PLCG2: variants seen among roughly 807,000 people sequenced by gnomAD.
PLCG2 encodes 1-phosphatidylinositol 4,5-bisphosphate phosphodiesterase gamma-2.
Under a neutral mutation model 175.6 loss-of-function variants are expected in PLCG2, and 69 were observed. The ratio of observed to expected loss-of-function variants is 0.39; its 90% CI spans 0.32 to 0.48. The LOEUF (loss-of-function observed/expected upper bound fraction) is 0.48, where lower values mean the gene tolerates loss of function less well. Among genes scored for constraint, PLCG2 ranks in the 20% least tolerant of loss-of-function variants. The pLI, the probability that PLCG2 is intolerant of heterozygous loss-of-function variation, is 0.91. For missense variants in PLCG2, 1,798 were observed against 1,650.9 expected, an observed-to-expected ratio of 1.09 and a Z score of -1.54; for synonymous variants, 827 against 624.0, an observed-to-expected ratio of 1.33 and a Z score of -4.85.
At chr16:81,875,537 CA>C (rs1378254093) in intron 7 of PLCG2, among the ~76,000 whole-genome samples, 1 of 152,160 alleles carries the variant, frequency 6.6e-6, no homozygotes, top group Non-Finnish European at 1.5e-5. Context: ...AACAGACCCC[CA>C]TGTATCATCA....
At chr16:81,859,291 G>C in intron 5 of PLCG2, 128 bp downstream of exon 5, 3 of 641,104 alleles carry the variant, frequency 4.7e-6, no homozygotes, top group Non-Finnish European at 8.6e-6. Context: ...TGTGATCTGC[G>C]GATGCCATGT....
intron 21 of PLCG2, chr16:81,921,644 C>G (rs557569433): frequency 6.3e-6 from 2 of 318,816 alleles, no homozygotes; most frequent in Non-Finnish European, 1.2e-5. Context: ...TCTCATATTC[C>G]CACCCTGACT....
Position 81,959,230 on chromosome 16 carries a change from A to G in PLCG2, c.*1232A>G, listed in dbSNP as rs1351627376. The G allele has an allele frequency of 8.9e-6, 2 of 225,502 alleles. No homozygotes were observed. Among genetic ancestry groups the G allele is most frequent in the Non-Finnish European group, 1.8e-5 (2 of 113,336 alleles). The allele number at this position is 225,502 out of a possible 1,614,324, so 14.0% of individuals were successfully genotyped here. On this transcript the variant is annotated 3_prime_UTR_variant, in exon 33 of 33. Transcript: ENST00000564138. Reference sequence around the variant, plus strand: ...TGGCTGTGGTGGGGAAGAACAAACCAGCAGTAAGCCTGATGTTTGATGTGG... The same window carrying G: ...TGGCTGTGGTGGGGAAGAACAAACCGGCAGTAAGCCTGATGTTTGATGTGG...
At chr16:81,853,824 G>A (rs978467717) in intron 2 of PLCG2, among the ~76,000 whole-genome samples, 3 of 152,150 alleles carry the variant, frequency 2.0e-5, no homozygotes, top group Non-Finnish European at 4.4e-5. Flanking sequence ...ACTCTGGACT[G>A]TTACCAGAGT....
At chr16:81,750,775 C>G (rs1037432293) in intron 1 of PLCG2, among the ~76,000 whole-genome samples, 2 of 142,588 alleles carry the variant, frequency 1.4e-5, no homozygotes, top group African/African-American at 5.1e-5. Context: ...TCATGCCATT[C>G]TCCTGCCTCA....
Position 81,819,568 on chromosome 16 carries a change from A to G in PLCG2, c.193+33386A>G, listed in dbSNP as rs184779605. ...GGAAGGCTGGACTCTATCCCAGCTC[A>G]GTTATTTATGTATTTATTATTATTA... On this transcript the variant is annotated intron_variant, in intron 2 of 32. Transcript: ENST00000564138. Among the ~76,000 whole-genome samples the G allele has an allele frequency of 5.3e-5, 8 of 152,250 alleles. No homozygotes were observed. In the East Asian group the frequency reaches 1.3e-3, roughly 26 times the overall value.
intron 2 of PLCG2, among the ~76,000 whole-genome samples, chr16:81,840,136 T>C (rs954185878): frequency 3.3e-5 from 5 of 152,212 alleles, no homozygotes; most frequent in African/African-American, 1.2e-4. Flanking sequence ...ATTTTCTCAT[T>C]GTCTCCTGAG....
chr16:81,942,723 G>T, intron 30 of PLCG2, among the ~76,000 whole-genome samples: 1 of 152,110 alleles, frequency 6.6e-6, no homozygotes, highest in East Asian at 1.9e-4. Flanking sequence ...ACTTGCTCAA[G>T]GTCACACACC....
intron 22 of PLCG2, among the ~76,000 whole-genome samples, chr16:81,924,339 C>G (rs983058081): frequency 6.6e-6 from 1 of 152,228 alleles, no homozygotes; most frequent in Non-Finnish European, 1.5e-5. Flanking sequence ...CTGGACCTGG[C>G]TTAGGAATCT....
chr16:81,761,108 G>C (rs1181235197), intron 2 of PLCG2, among the ~76,000 whole-genome samples: 1 of 152,134 alleles, frequency 6.6e-6, no homozygotes, highest in Non-Finnish European at 1.5e-5. Flanking sequence ...TGTTGCCCAG[G>C]CTGGTCTCAA....
intron 22 of PLCG2, among the ~76,000 whole-genome samples, chr16:81,924,238 C>G (rs137975710): frequency 2.6e-5 from 4 of 152,230 alleles, no homozygotes; most frequent in African/African-American, 4.8e-5. Flanking sequence ...TGTGGGGTGA[C>G]TTCTGTCTGA....
intron 2 of PLCG2, among the ~76,000 whole-genome samples, chr16:81,815,051 A>G (rs1904482705): frequency 6.6e-6 from 1 of 152,200 alleles, no homozygotes; most frequent in Admixed American, 6.5e-5. Flanking sequence ...TCCAAGGCAA[A>G]ACCAGAGTTG....
At chr16:81,829,431 T>C (rs1171281603) in intron 2 of PLCG2, among the ~76,000 whole-genome samples, 1 of 152,166 alleles carries the variant, frequency 6.6e-6, no homozygotes, top group Non-Finnish European at 1.5e-5. Context: ...TTGACCAGGC[T>C]AGTCTCGAAC....
chr16:81,912,139 G>A (rs1422185020), intron 18 of PLCG2, among the ~76,000 whole-genome samples: 1 of 151,700 alleles, frequency 6.6e-6, no homozygotes, highest in East Asian at 2.0e-4. Flanking sequence ...CGCCATGTTG[G>A]TCAGGCTGGT....
At chr16:81,873,159 C>T (rs976947013) in intron 7 of PLCG2, among the ~76,000 whole-genome samples, 1 of 152,166 alleles carries the variant, frequency 6.6e-6, no homozygotes, top group Non-Finnish European at 1.5e-5. Flanking sequence ...GGATTCTAGA[C>T]CCACTTGACC....
At chr16:81,904,894 T>C (rs190955157) in intron 14 of PLCG2, among the ~76,000 whole-genome samples, 1 of 152,204 alleles carries the variant, frequency 6.6e-6, no homozygotes, top group East Asian at 1.9e-4. Context: ...TTTTACTTAT[T>C]TATTTTTTAC....
intron 31 of PLCG2, among the ~76,000 whole-genome samples, chr16:81,955,669 G>A (rs534151218): frequency 2.6e-5 from 4 of 152,128 alleles, no homozygotes; most frequent in Admixed American, 6.5e-5. Context: ...CAATAGCAAC[G>A]TGGCCATGAC....
chr16:81,850,860 A>T (rs1014130153), intron 2 of PLCG2, among the ~76,000 whole-genome samples: 1 of 152,204 alleles, frequency 6.6e-6, no homozygotes, highest in Non-Finnish European at 1.5e-5. Context: ...GATCTCCTGC[A>T]CATGCGGGCA....
At position 81,936,518 on chromosome 16, in the gene PLCG2, T is replaced by G. The variant is rs957571231; in HGVS notation, c.3052+140T>G. The G allele has an allele frequency of 3.9e-5, 27 of 684,014 alleles. No homozygotes were observed. In the African/African-American group the frequency reaches 4.6e-4, roughly 12 times the overall value. The allele number at this position is 684,014 out of a possible 1,614,324, so 42.4% of individuals were successfully genotyped here. ...CGAGGGACTGCACGGTTCAGCAGAGTAATGGTTAGTATGAGGTCCAGCAGC... is the reference window on the plus strand; with the variant it reads ...CGAGGGACTGCACGGTTCAGCAGAGGAATGGTTAGTATGAGGTCCAGCAGC... On this transcript the variant is annotated intron_variant, in intron 27 of 32. Transcript: ENST00000564138.
Sources: allele counts gnomAD v4.1 joint callset (sites outside exome capture counted in the v4.1 genomes callset), GRCh38; gene constraint gnomAD v4.1.1; transcripts MANE v1.5; gene names NCBI Gene and HGNC (gene_info 2026-07-23, HGNC 2026-07-21).